The following ARIH2 variants were observed in gnomAD, a reference collection of about 807,000 sequenced individuals.
ARIH2 encodes E3 ubiquitin-protein ligase ARIH2.
In ARIH2, 12 loss-of-function variants were observed where a neutral mutation model predicts 79.8. The ratio of observed to expected loss-of-function variants is 0.15; its 90% CI spans 0.10 to 0.24. The LOEUF (loss-of-function observed/expected upper bound fraction) is 0.24, where lower values mean the gene tolerates loss of function less well. Among genes scored for constraint, ARIH2 ranks in the 10% least tolerant of loss-of-function variants. The pLI is 1.00. For synonymous variants in ARIH2, 224 were observed against 213.9 expected, an observed-to-expected ratio of 1.05 and a Z score of -0.41; for missense variants, 301 against 618.3, an observed-to-expected ratio of 0.49 and a Z score of 5.44.
intron 12 of ARIH2, 94 bp from the exon 13 acceptor site, chr3:48,980,259 G>A: frequency 7.5e-7 from 1 of 1,338,510 alleles, no homozygotes; most frequent in East Asian, 2.3e-5. Context: ...CTGTGGCCAT[G>A]TCCTGCCAGC....
rs779654273 is a variant in ARIH2 at position 48,918,860 on chromosome 3, CTT to C, written c.-299_-298del. On this transcript the variant is annotated 5_prime_UTR_variant, in exon 1 of 16. Coordinates refer to ENST00000356401, the MANE Select transcript of ARIH2 (RefSeq NM_006321.4). ...CACTTCCGGAGCTGTGGGGACGACTCTTCTGGAGGAAGCAGCGCGGGCTTGAC... is the reference window on the plus strand; with the variant it reads ...CACTTCCGGAGCTGTGGGGACGACTCCTGGAGGAAGCAGCGCGGGCTTGAC... The C allele has an allele frequency of 4.6e-5, 74 of 1,610,674 alleles. No individual in the cohort carries two copies. The highest frequency in any genetic ancestry group is 5.5e-5 in the Non-Finnish European group (65 of 1,179,636).
At chr3:48,926,524 CCT>C (rs552742464) in intron 2 of ARIH2, among the ~76,000 whole-genome samples, 50 of 151,950 alleles carry the variant, frequency 3.3e-4, no homozygotes, top group Non-Finnish European at 6.0e-4. Context: ...CCCATCTCAG[CCT>C]CTCAAAATTC....
At chr3:48,959,085 G>C (rs2090948205) in intron 3 of ARIH2, among the ~76,000 whole-genome samples, 1 of 152,036 alleles carries the variant, frequency 6.6e-6, no homozygotes, top group South Asian at 2.1e-4. Context: ...GGGAGGCCAA[G>C]GCGGGTGGAT....
chr3:48,981,263 CAG>C (rs1411763301), intron 13 of ARIH2, among the ~76,000 whole-genome samples: 3 of 150,782 alleles, frequency 2.0e-5, no homozygotes, highest in Non-Finnish European at 4.4e-5. Flanking sequence ...GTCTGGGAGG[CAG>C]AGTTTGCAGT....
chr3:48,934,751 G>T (rs757780921), intron 3 of ARIH2: 12 of 985,282 alleles, frequency 1.2e-5, no homozygotes, highest in Non-Finnish European at 1.4e-5. Context: ...AATACAAATG[G>T]TGCAAAGATG....
chr3:48,978,415 TTGTG>T (rs34142276), intron 11 of ARIH2, among the ~76,000 whole-genome samples: 1 of 90,622 alleles, frequency 1.1e-5, no homozygotes, highest in African/African-American at 3.7e-5. Context: ...CCTGGCTAAT[TTGTG>T]TATGTGTGTG....
intron 2 of ARIH2, chr3:48,925,118 C>CT (rs767718868): frequency 1.3e-3 from 175 of 139,892 alleles, no homozygotes; most frequent in Non-Finnish European, 1.4e-3. Context: ...TTCTTTTTTT[C>CT]TTTTTTTTTT....
intron 8 of ARIH2, among the ~76,000 whole-genome samples, chr3:48,971,657 G>A (rs2092245381): frequency 6.6e-6 from 1 of 152,196 alleles, no homozygotes; most frequent in Non-Finnish European, 1.5e-5. Context: ...TATTCATGGT[G>A]GGGCTTCAGA....
At chr3:48,949,042 T>C (rs1356243103) in intron 3 of ARIH2, 3 of 456,710 alleles carry the variant, frequency 6.6e-6, no homozygotes, top group South Asian at 1.5e-5. Flanking sequence ...AATATAGCCA[T>C]GTGTTTTCAT....
At chr3:48,942,353 G>A (rs1196134443) in intron 3 of ARIH2, among the ~76,000 whole-genome samples, 1 of 152,098 alleles carries the variant, frequency 6.6e-6, no homozygotes, top group Non-Finnish European at 1.5e-5. Flanking sequence ...GTCCAGCCAA[G>A]CCTCAACTGA....
intron 3 of ARIH2, among the ~76,000 whole-genome samples, chr3:48,935,811 A>G (rs1327371392): frequency 2.0e-5 from 3 of 152,162 alleles, no homozygotes; most frequent in African/African-American, 7.2e-5. Flanking sequence ...CTTAAAACAC[A>G]TTCTCAGGGT....
Position 48,982,879 on chromosome 3 carries a change from C to T in ARIH2, c.1327-17C>T. On this transcript the variant is annotated splice_polypyrimidine_tract_variant and intron_variant, in intron 14 of 15. Transcript: ENST00000356401. ...ACAGCCCACTCACCTTTTGACCCTC[C>T]TGCTCTGCCTATACAGTTTGAATAC... 6.2e-7 allele frequency: 1 copy of T among 1,612,502 alleles called. No homozygotes were observed. The highest frequency in any genetic ancestry group is 8.5e-7 in the Non-Finnish European group (1 of 1,178,506).
In ARIH2 at chr3:48,927,598, G is replaced by A. The variant is rs2085805976; in HGVS notation, c.40G>A (p.Glu14Lys). Residue 14 changes from glutamate to lysine, a missense_variant, in exon 3 of 16, where the codon GAA becomes AAA. This residue lies in a region of ARIH2 where 223 missense variants were observed against 349.4 expected (regional missense o/e 0.64). Coordinates refer to ENST00000356401, the MANE Select transcript of ARIH2 (RefSeq NM_006321.4). The stretch of plus-strand genomic sequence containing the variant: ...GAATAGCCAGGGGTCTGACAGCAAT[G>A]AAGAGGACTATGACCCAAATTGTGA... ...DMNSQGSDSN[E>K]EDYDPNCEEE... 6.2e-7 allele frequency: 1 copy of A among 1,613,984 alleles called. No individual in the cohort carries two copies. The highest frequency in any genetic ancestry group is 1.3e-5 in the African/African-American group (1 of 74,924).
At chr3:48,920,428 T>G (rs2084652374) in intron 1 of ARIH2, among the ~76,000 whole-genome samples, 1 of 122,932 alleles carries the variant, frequency 8.1e-6, no homozygotes, top group Non-Finnish European at 1.7e-5. Flanking sequence ...CTCTTTTTTT[T>G]TTGGAGGAGC....
intron 2 of ARIH2, chr3:48,926,947 A>T (rs1017998174): frequency 6.5e-6 from 1 of 153,386 alleles, no homozygotes; most frequent in Non-Finnish European, 1.4e-5. Context: ...CCAACTATGC[A>T]CCTATTTTTC....
Position 48,980,454 on chromosome 3 carries a change from C to G in ARIH2, c.1215C>G (p.Ile405Met). Reference protein sequence around the residue: ...ERVMNNLGTWIDWQYLQNAAK... With the variant: ...ERVMNNLGTWMDWQYLQNAAK... ...TCATGAACAATCTGGGGACATGGAT[C>G]GACTGGCAGTACCTACAGAATGCTG... is the stretch of plus-strand genomic sequence containing the variant. Residue 405 changes from isoleucine (I) to methionine (M), a missense_variant, in exon 13 of 16, where the codon ATC (isoleucine) becomes ATG (methionine). Ile to Met is a conservative substitution (Grantham distance 10). This residue lies in a region of ARIH2 where 78 missense variants were observed against 268.9 expected (regional missense o/e 0.29). Coordinates refer to ENST00000356401, the MANE Select transcript of ARIH2 (RefSeq NM_006321.4). The G allele has an allele frequency of 6.2e-7, 1 of 1,614,070 alleles. No homozygotes were observed.
intron 2 of ARIH2, among the ~76,000 whole-genome samples, chr3:48,923,614 G>C (rs1373275661): frequency 6.6e-6 from 1 of 151,238 alleles, no homozygotes; most frequent in Non-Finnish European, 1.5e-5. Flanking sequence ...CTTTGCCTCC[G>C]GGGTTCAATC....
intron 3 of ARIH2, among the ~76,000 whole-genome samples, chr3:48,944,449 G>A (rs1190565583): frequency 6.6e-6 from 1 of 152,122 alleles, no homozygotes; most frequent in African/African-American, 2.4e-5. Context: ...AGGTTAGGCT[G>A]GTGAGAAGTC....
rs1180442774 is a variant in ARIH2, at chr3:48,943,935, G to T, written c.255+16122G>T. On this transcript the variant is annotated intron_variant, in intron 3 of 15. Transcript: ENST00000356401. ...ATAACTTTTGGACAGGATGGGCTGTGGCTGCAGGAATGGACACAGCTTTTA... is the reference window on the plus strand; with the variant it reads ...ATAACTTTTGGACAGGATGGGCTGTTGCTGCAGGAATGGACACAGCTTTTA... Among the ~76,000 whole-genome samples the T allele has an allele frequency of 2.0e-5, 3 of 152,158 alleles. No individual in the cohort carries two copies. The South Asian group carries it at 6.2e-4, about 32-fold the overall frequency.
Sources: allele counts gnomAD v4.1 joint callset (sites outside exome capture counted in the v4.1 genomes callset), GRCh38; gene constraint gnomAD v4.1.1; regional missense constraint gnomAD v4.1.1; transcripts MANE v1.5; gene names NCBI Gene and HGNC (gene_info 2026-07-23, HGNC 2026-07-21).